The following MYO15A variants were observed in gnomAD, a reference collection of about 807,000 sequenced individuals.
The protein encoded by MYO15A is unconventional myosin-XV.
In MYO15A, 308 loss-of-function variants were observed where a neutral mutation model predicts 394.6. The observed-to-expected ratio is 0.78, with a 90% CI of 0.71 to 0.86. MYO15A has a LOEUF of 0.86. MYO15A is among the 40% of genes least tolerant of loss of function. MYO15A has a pLI of 0.00. For synonymous variants in MYO15A, 1,957 were observed against 2,003.8 expected (o/e 0.98, Z 0.62); for missense variants, 4,606 against 4,799.1 (o/e 0.96, Z 1.19).
At chr17:18,161,197 C>T (rs768590523) in intron 56 of MYO15A, 120 bp from the exon 57 acceptor site, 2 of 1,326,290 alleles carry the variant, frequency 1.5e-6, no homozygotes, top group Non-Finnish European at 2.1e-6. Flanking sequence ...CAGGGAGGGG[C>T]ATCCTCAGGG....
rs967956089 is a variant in MYO15A at position 18,131,612 on chromosome 17, G to T, written c.4206+81G>T. On this transcript the variant is annotated intron_variant, in intron 10 of 65. Coordinates refer to ENST00000647165, the MANE Select transcript of MYO15A (RefSeq NM_016239.4). ...GATACTCAGAGCCTGGCCCCTGGTA[G>T]GGCTAGGTAGACGTCAAATTAATGA... The T allele has an allele frequency of 3.7e-5, 56 of 1,521,336 alleles. No homozygotes were observed. The African/African-American group carries it at 7.4e-4, about 20-fold the overall frequency. The allele number at this position is 1,521,336 out of a possible 1,614,324, so 94.2% of individuals were successfully genotyped here.
At chr17:18,130,653 G>C in intron 7 of MYO15A, 152 bp from the exon 8 acceptor site, 1 of 1,302,250 alleles carries the variant, frequency 7.7e-7, no homozygotes, top group Non-Finnish European at 1.1e-6. Flanking sequence ...CCCAAGCCTG[G>C]ACCCCTGGGG....
Position 18,151,161 on chromosome 17 carries a change from G to A in MYO15A, c.7525G>A (p.Ala2509Thr), listed in dbSNP as rs762496415. ...QPTSVGTGPPAKPVLLRATPK... is the reference protein window; with the variant it reads ...QPTSVGTGPPTKPVLLRATPK... The stretch of plus-strand genomic sequence containing the variant: ...GACGTCTGTAGGCACCGGTCCCCCT[G>A]CCAAACCCGTGCTCCTGCGTGCCAC... Residue 2509 changes from alanine (A) to threonine (T), a missense_variant, in exon 39 of 66, where the codon GCC becomes ACC. Physicochemically the swap from Ala to Thr is moderately conservative, Grantham distance 58. Coordinates refer to ENST00000647165, the MANE Select transcript of MYO15A (RefSeq NM_016239.4). 1 of 1,613,986 alleles carries A rather than the reference G, an allele frequency of 6.2e-7. No individual in the cohort carries two copies. Among genetic ancestry groups the A allele is most frequent in the Non-Finnish European group, 8.5e-7 (1 of 1,180,000 alleles).
intron 59 of MYO15A, 93 bp from the exon 60 acceptor site, chr17:18,163,649 C>A: frequency 8.5e-7 from 1 of 1,175,004 alleles, no homozygotes; most frequent in South Asian, 1.3e-5. Context: ...GGCTGAGGAA[C>A]TCCACACATG....
rs1167622650 is a variant in MYO15A, at chr17:18,147,325, G to A, written c.6510-704G>A. Among the ~76,000 whole-genome samples, 1 of 152,238 alleles carries A rather than the reference G, an allele frequency of 6.6e-6. No homozygotes were observed. The highest frequency in any genetic ancestry group is 1.5e-5 in the Non-Finnish European group (1 of 68,032). Reference sequence around the variant, plus strand: ...TGGCCAGTCTTGTGACTCTGTGGCAGCTGACAGCAGGGTAAGGCCGTTGCT... The same window carrying A: ...TGGCCAGTCTTGTGACTCTGTGGCAACTGACAGCAGGGTAAGGCCGTTGCT... On this transcript the variant is annotated intron_variant, in intron 30 of 65. Transcript: ENST00000647165. The surrounding 1 kb of genome is among the most constrained non-coding windows in gnomAD (Gnocchi z 4.4).
Position 18,150,888 on chromosome 17 carries a change from C to T in MYO15A, c.7448C>T (p.Ala2483Val), listed in dbSNP as rs771246038. Reference protein sequence around the residue: ...ATALQQQPLSAALRSLPAEKP... With the variant: ...ATALQQQPLSVALRSLPAEKP... ...GCACTCCAGCAGCAGCCCCTGAGTG[C>T]TGCCCTGAGATCCTTGCCCGCAGAG... Residue 2483 changes from alanine (A) to valine (V), a missense_variant, in exon 38 of 66, where the codon GCT becomes GTT. Ala to Val is a moderately conservative substitution (Grantham distance 64). Coordinates refer to ENST00000647165, the MANE Select transcript of MYO15A (RefSeq NM_016239.4). The surrounding 1 kb of genome is among the most constrained non-coding windows in gnomAD (Gnocchi z 4.4). 6.3e-7 allele frequency: 1 copy of T among 1,599,626 alleles called. No individual in the cohort carries two copies. Among genetic ancestry groups the T allele is most frequent in the Non-Finnish European group, 8.5e-7 (1 of 1,173,422 alleles).
In MYO15A at chr17:18,159,396, C is replaced by T. The variant is rs188069918; in HGVS notation, c.9229+49C>T. 3.5e-4 allele frequency: 562 copies of T among 1,599,330 alleles called. 1 individual carries two copies. In the African/African-American group the frequency reaches 6.7e-3, roughly 19 times the overall value. On this transcript the variant is annotated intron_variant, in intron 54 of 65. Coordinates refer to ENST00000647165, the MANE Select transcript of MYO15A (RefSeq NM_016239.4). ...GGGCTCTGGGCTAGGTGGGATCCAG[C>T]ACTGTGTGATCTCTACTGGTTGCCA... is the stretch of plus-strand genomic sequence containing the variant.
chr17:18,178,720 A>G (rs770264876), intron 65 of MYO15A, 49 bp from the exon 66 acceptor site: 2 of 1,542,952 alleles, frequency 1.3e-6, no homozygotes, highest in South Asian at 2.2e-5. Context: ...CCCCAAGGTA[A>G]GAGCTGGGGA....
chr17:18,113,375 G>A (rs2045745321), intron 1 of MYO15A, among the ~76,000 whole-genome samples: 1 of 152,040 alleles, frequency 6.6e-6, no homozygotes, highest in Non-Finnish European at 1.5e-5. Flanking sequence ...TCAAACTCCT[G>A]GGCTCCTCCC....
chr17:18,144,456 A>G, intron 28 of MYO15A, 41 bp from the exon 29 acceptor site: 1 of 1,164,074 alleles, frequency 8.6e-7, no homozygotes, highest in Non-Finnish European at 1.2e-6. Flanking sequence ...TGTGCCTGTC[A>G]GTCCAGCTCT....
At chr17:18,142,893 G>A in intron 25 of MYO15A, 53 bp downstream of exon 25, 5 of 1,519,608 alleles carry the variant, frequency 3.3e-6, no homozygotes, top group Non-Finnish European at 4.5e-6. Flanking sequence ...AGGGGAAAGG[G>A]CACTTAGCAC....
intron 60 of MYO15A, chr17:18,164,116 G>A (rs1322037116): frequency 2.6e-5 from 13 of 497,954 alleles, no homozygotes; most frequent in South Asian, 6.1e-5. Flanking sequence ...GACACAGGCC[G>A]TGCCCTCAAG....
rs1398983031 is a variant in MYO15A at position 18,153,909 on chromosome 17, G to T, written c.8088+13G>T. 1 of 1,613,388 alleles carries T rather than the reference G, an allele frequency of 6.2e-7. No individual in the cohort carries two copies. The highest frequency in any genetic ancestry group is 8.5e-7 in the Non-Finnish European group (1 of 1,180,010). On this transcript the variant is annotated intron_variant, in intron 43 of 65. Transcript: ENST00000647165. The surrounding 1 kb of genome is among the most constrained non-coding windows in gnomAD (Gnocchi z 4.1). The stretch of plus-strand genomic sequence containing the variant: ...CCTGCGCAAAGAGGTGCCGAGCACA[G>T]CCGTAGCCAGGGGAGGGGCTGAAGC...
At position 18,119,703 on chromosome 17, in the gene MYO15A, G is replaced by C. The variant is rs747530715; in HGVS notation, c.903G>C (p.Pro301=). Residue 301 remains proline (P), a synonymous_variant, in exon 2 of 66, where the codon CCG becomes CCC. Coordinates refer to ENST00000647165, the MANE Select transcript of MYO15A (RefSeq NM_016239.4). ...HPDYYGGPFD[P]GYTYGYGYDD... ...ACTATTACGGTGGCCCCTTTGATCC[G>C]GGGTACACCTACGGCTACGGCTACG... 1.2e-6 allele frequency: 2 copies of C among 1,610,632 alleles called. No homozygotes were observed. Among genetic ancestry groups the C allele is most frequent in the Non-Finnish European group, 8.5e-7 (1 of 1,179,956 alleles).
chr17:18,148,727 C>T lies in MYO15A; in HGVS notation c.6765-34C>T. ...CCCAGGTAGTGCCTGATGACTCTGT[C>T]CCTCATTTCCATTCCTGTGCATGCC... On this transcript the variant is annotated intron_variant, in intron 32 of 65. Transcript: ENST00000647165. The surrounding 1 kb of genome is among the most constrained non-coding windows in gnomAD (Gnocchi z 4.8). 1.3e-6 allele frequency: 2 copies of T among 1,571,194 alleles called. No homozygotes were observed. Among genetic ancestry groups the T allele is most frequent in the East Asian group, 2.4e-5 (1 of 42,310 alleles).
At position 18,167,641 on chromosome 17, in the gene MYO15A, C is replaced by T; in HGVS notation, c.10000C>T (p.Pro3334Ser). The change falls in exon 62 of 66, where the codon CCC becomes TCC. Residue 3334 changes from proline (P) to serine (S), a missense_variant. By Grantham distance (74) the Pro-to-Ser change is moderately conservative. Transcript: ENST00000647165. Reference sequence around the variant, plus strand: ...CTTCAGCAGTGTGCCGGCCAGCCGGCCCAGCGAGCAGCTGCTGCAGCAGGT... The same window carrying T: ...CTTCAGCAGTGTGCCGGCCAGCCGGTCCAGCGAGCAGCTGCTGCAGCAGGT... ...GLFSSVPASR[P>S]SEQLLQQVSK... 1 of 1,604,132 alleles carries T rather than the reference C, an allele frequency of 6.2e-7. No individual in the cohort carries two copies. Among genetic ancestry groups the T allele is most frequent in the Non-Finnish European group, 8.5e-7 (1 of 1,179,958 alleles).
At position 18,119,649 on chromosome 17, in the gene MYO15A, C is replaced by G. The variant is rs2045867924; in HGVS notation, c.849C>G (p.Pro283=). The stretch of plus-strand genomic sequence containing the variant: ...GCGACCACTACTACGGGTACCCGCC[C>G]GAGGATCCCTACGACTACTACCACC... ...PYGDHYYGYP[P]EDPYDYYHPD... is the part of the protein sequence containing the mutation. The change falls in exon 2 of 66, where the codon CCC becomes CCG. Residue 283 remains proline, a synonymous_variant. Transcript: ENST00000647165. 1.2e-6 allele frequency: 2 copies of G among 1,604,010 alleles called. No individual in the cohort carries two copies. The highest frequency in any genetic ancestry group is 1.7e-6 in the Non-Finnish European group (2 of 1,179,924).
intron 57 of MYO15A, 54 bp from the exon 58 acceptor site, chr17:18,162,531 C>A: frequency 6.5e-7 from 1 of 1,537,800 alleles, no homozygotes; most frequent in Non-Finnish European, 8.9e-7. Context: ...GAGGAGCGAG[C>A]CCCTTTCTCC....
intron 13 of MYO15A, 39 bp from the exon 14 acceptor site, chr17:18,136,378 G>T: frequency 6.2e-7 from 1 of 1,612,266 alleles, no homozygotes; most frequent in African/African-American, 1.3e-5. Context: ...AGGCAGAGTG[G>T]CCAGCCTGAT....
Sources: gnomAD v4.1 joint callset for allele counts (sites outside exome capture counted in the v4.1 genomes callset) on GRCh38, gnomAD v4.1.1 for gene constraint, Gnocchi (gnomAD v3.1) non-coding constraint, MANE v1.5 for transcripts, NCBI Gene and HGNC (gene_info 2026-07-23, HGNC 2026-07-21) for gene names.